Variants in DRD2 observed in about 807,000 individuals in gnomAD.
DRD2 encodes the protein D(2) dopamine receptor.
DRD2 carries 8 observed loss-of-function variants against 38.0 expected under a neutral mutation model. The observed-to-expected ratio is 0.21, with a 90% CI of 0.12 to 0.38. DRD2 has a LOEUF of 0.38. DRD2 is among the 10% of genes least tolerant of loss of function. The pLI, the probability that DRD2 is intolerant of heterozygous loss-of-function variation, is 1.00. For synonymous variants in DRD2, 230 were observed against 238.6 expected (o/e 0.96, Z 0.33); for missense variants, 403 against 607.7 (o/e 0.66, Z 3.54).
chr11:113,419,161 AG>A (rs1447741315), intron 2 of DRD2, among the ~76,000 whole-genome samples: 1 of 152,350 alleles, frequency 6.6e-6, no homozygotes, highest in East Asian at 1.9e-4. Context: ...GAGCCAGGCA[AG>A]CCCTTCAGTG....
In DRD2 at chr11:113,445,253, T is replaced by G. The variant is rs116621410; in HGVS notation, c.-31-20571A>C. Among the ~76,000 whole-genome samples, 493 of 152,320 alleles carry G rather than the reference T, an allele frequency of 3.2e-3. 4 individuals are homozygous for G. The highest frequency in any genetic ancestry group is 0.011 in the African/African-American group (470 of 41,578). On this transcript the variant is annotated intron_variant, in intron 1 of 7. Coordinates refer to ENST00000362072, the MANE Select transcript of DRD2 (RefSeq NM_000795.4). ...AGGAAAAGGACATTAGTGGAAAAAC[T>G]GGCAAAATGCAAATAAAATCTGTCA...
At chr11:113,421,684 G>A (rs1950885433) in intron 2 of DRD2, among the ~76,000 whole-genome samples, 1 of 152,192 alleles carries the variant, frequency 6.6e-6, no homozygotes, top group Admixed American at 6.5e-5. Context: ...TGCTGGAAAT[G>A]GAACAGGAGG....
chr11:113,416,706 GC>G (rs1950830992), intron 4 of DRD2, among the ~76,000 whole-genome samples, 156 bp downstream of exon 4: 2 of 152,296 alleles, frequency 1.3e-5, no homozygotes, highest in African/African-American at 4.8e-5. Flanking sequence ...GTGGGGCTTG[GC>G]CCAGGACACG....
At position 113,410,640 on chromosome 11, in the gene DRD2, C is replaced by T. The variant is rs1457824454; in HGVS notation, c.*87G>A. ...TGAAGAGGAGGCCGATCCACCCAGG[C>T]CTTCCTGCTCACGGTTCGCAAGGGT... On this transcript the variant is annotated 3_prime_UTR_variant, in exon 8 of 8. Transcript: ENST00000362072. 1 of 1,554,542 alleles carries T rather than the reference C, an allele frequency of 6.4e-7. No homozygotes were observed. The highest frequency in any genetic ancestry group is 8.9e-7 in the Non-Finnish European group (1 of 1,128,342).
At chr11:113,415,128 G>T (rs2138161661) in intron 5 of DRD2, among the ~76,000 whole-genome samples, 1 of 152,128 alleles carries the variant, frequency 6.6e-6, no homozygotes, top group African/African-American at 2.4e-5. Context: ...AGGAAGAGAG[G>T]AGCCCACGGG....
Position 113,412,725 on chromosome 11 carries a change from G to A in DRD2, c.969C>T (p.Ala323=). Residue 323 remains alanine, a synonymous_variant, in exon 7 of 8, where the codon GCC becomes GCT. Transcript: ENST00000362072. ...HGLHSTPDSP[A]KPEKNGHAKD... ...TGGCATGCCCATTCTTCTCTGGTTTGGCGGGGCTGTCGGGAGTGCTGTGGA... is the reference window on the plus strand; with the variant it reads ...TGGCATGCCCATTCTTCTCTGGTTTAGCGGGGCTGTCGGGAGTGCTGTGGA... 1 of 1,614,220 alleles carries A rather than the reference G, an allele frequency of 6.2e-7. No individual in the cohort carries two copies. The highest frequency in any genetic ancestry group is 8.5e-7 in the Non-Finnish European group (1 of 1,180,054).
At chr11:113,462,592 G>C (rs1951333706) in intron 1 of DRD2, among the ~76,000 whole-genome samples, 2 of 152,218 alleles carry the variant, frequency 1.3e-5, no homozygotes, top group Non-Finnish European at 2.9e-5. Flanking sequence ...GCAGGCTTTA[G>C]AGGAAGCATG....
chr11:113,421,785 G>A (rs925604550), intron 2 of DRD2, among the ~76,000 whole-genome samples: 10 of 152,138 alleles, frequency 6.6e-5, no homozygotes, highest in Non-Finnish European at 7.4e-5. Context: ...AGGGTGAGAC[G>A]TCACCTGGGA....
At chr11:113,423,676 C>A (rs1380677982) in intron 2 of DRD2, among the ~76,000 whole-genome samples, 1 of 152,204 alleles carries the variant, frequency 6.6e-6, no homozygotes, top group East Asian at 1.9e-4. Context: ...AGTGTCTAGA[C>A]TGTGCTGCCT....
In DRD2 at chr11:113,410,763, C is replaced by T; in HGVS notation, c.1296G>A (p.Glu432=). The T allele has an allele frequency of 6.2e-7, 1 of 1,614,198 alleles. No individual in the cohort carries two copies. Among genetic ancestry groups the T allele is most frequent in the South Asian group, 1.1e-5 (1 of 91,088 alleles). The part of the protein sequence containing the change: ...NPIIYTTFNI[E]FRKAFLKILH... ...GGATCTTCAGGAAGGCCTTGCGGAA[C>T]TCAATGTTGAAGGTGGTGTAGATGA... Residue 432 remains glutamate, a synonymous_variant, in exon 8 of 8, where the codon GAG becomes GAA. Transcript: ENST00000362072.
At position 113,446,852 on chromosome 11, in the gene DRD2, A is replaced by G. The variant is rs766035776; in HGVS notation, c.-31-22170T>C. Among the ~76,000 whole-genome samples the G allele has an allele frequency of 6.3e-4, 96 of 152,210 alleles. 2 individuals carry two copies. Among genetic ancestry groups the G allele is most frequent in the Non-Finnish European group, 3.1e-4 (21 of 68,042 alleles). ...GTTGGTGGCGAGTGAGGATGAGGCC[A>G]ACACTGACAGTAAGGCATATTCCCT... On this transcript the variant is annotated intron_variant, in intron 1 of 7. Coordinates refer to ENST00000362072, the MANE Select transcript of DRD2 (RefSeq NM_000795.4).
chr11:113,466,464 A>G (rs899976863), intron 1 of DRD2, among the ~76,000 whole-genome samples: 14 of 152,198 alleles, frequency 9.2e-5, no homozygotes, highest in Non-Finnish European at 1.8e-4. Flanking sequence ...GTCTGATTGA[A>G]GTAGGTTCCA....
chr11:113,474,943 A>C (rs1951465894), intron 1 of DRD2, 133 bp downstream of exon 1: 1 of 152,370 alleles, frequency 6.6e-6, no homozygotes, highest in South Asian at 2.1e-4. Flanking sequence ...GCCGGATCCC[A>C]GGCGGGCGCT....
chr11:113,440,509 G>A (rs1245349269), intron 1 of DRD2, among the ~76,000 whole-genome samples: 3 of 152,208 alleles, frequency 2.0e-5, no homozygotes, highest in Non-Finnish European at 2.9e-5. Flanking sequence ...GAAAAAGGCT[G>A]CGCCTTTGGA....
chr11:113,435,708 C>T (rs1011443558), intron 1 of DRD2, among the ~76,000 whole-genome samples: 1 of 149,430 alleles, frequency 6.7e-6, no homozygotes, highest in Non-Finnish European at 1.5e-5. Flanking sequence ...CTTGGTTTGC[C>T]CCAGGGGCTA....
At chr11:113,464,444 A>G (rs1951350032) in intron 1 of DRD2, among the ~76,000 whole-genome samples, 1 of 152,038 alleles carries the variant, frequency 6.6e-6, no homozygotes, top group African/African-American at 2.4e-5. Context: ...CCATCCATAC[A>G]TTCCTGGTCA....
chr11:113,412,494 A>G, intron 7 of DRD2, 62 bp downstream of exon 7: 1 of 1,582,734 alleles, frequency 6.3e-7, no homozygotes, highest in South Asian at 1.1e-5. Flanking sequence ...GTTAGGAAGG[A>G]CATGGCAGGG....
At chr11:113,443,206 T>C (rs1476383155) in intron 1 of DRD2, among the ~76,000 whole-genome samples, 1 of 152,212 alleles carries the variant, frequency 6.6e-6, no homozygotes, top group Non-Finnish European at 1.5e-5. Flanking sequence ...ATGGCCTCTA[T>C]TGCTCATCTG....
intron 1 of DRD2, among the ~76,000 whole-genome samples, chr11:113,458,680 T>C (rs1951289583): frequency 1.3e-5 from 2 of 152,242 alleles, no homozygotes; most frequent in Admixed American, 1.3e-4. Flanking sequence ...TGTACACATT[T>C]GCATATAAAT....
Sources: allele counts gnomAD v4.1 joint callset (sites outside exome capture counted in the v4.1 genomes callset), GRCh38; gene constraint gnomAD v4.1.1; transcripts MANE v1.5; gene names NCBI Gene and HGNC (gene_info 2026-07-23, HGNC 2026-07-21).